Variants in SGCD observed in about 807,000 individuals in gnomAD.
SGCD encodes sarcoglycan delta.
A neutral mutation model predicts 36.6 loss-of-function variants in SGCD; 18 were observed. The observed-to-expected ratio is 0.49, with a 90% CI of 0.34 to 0.73. The LOEUF is 0.73. Ranked by LOEUF, SGCD falls within the 30% of genes least tolerant of loss-of-function variation. The probability of loss-of-function intolerance (pLI) is 0.01; values close to 1 mark genes in which losing one functional copy is unlikely to be tolerated. For synonymous variants in SGCD, 133 were observed against 130.6 expected (o/e 1.02, Z -0.12); for missense variants, 387 against 346.7 (o/e 1.12, Z -0.92).
intron 1 of SGCD, among the ~76,000 whole-genome samples, chr5:155,910,070 G>A (rs1427632481): frequency 1.3e-5 from 2 of 151,936 alleles, no homozygotes; most frequent in African/African-American, 4.8e-5. Context: ...ATTGTATTAT[G>A]AATTTGTGGT....
chr5:156,611,520 T>C (rs1761809937), intron 6 of SGCD, among the ~76,000 whole-genome samples: 1 of 152,218 alleles, frequency 6.6e-6, no homozygotes, highest in Non-Finnish European at 1.5e-5. Flanking sequence ...GACACATTTT[T>C]CTTAAAGCTT....
intron 3 of SGCD, among the ~76,000 whole-genome samples, chr5:156,376,968 C>T (rs1470224852): frequency 2.0e-5 from 3 of 151,872 alleles, no homozygotes; most frequent in Admixed American, 1.3e-4. Context: ...CAAAATTAAT[C>T]ATCAATAAAA....
At chr5:156,213,613 T>C (rs758912380) in intron 3 of SGCD, among the ~76,000 whole-genome samples, 1 of 151,992 alleles carries the variant, frequency 6.6e-6, no homozygotes, top group African/African-American at 2.4e-5. Flanking sequence ...CAAACTTAAT[T>C]TATGAAGACA....
At chr5:155,760,252 T>G in the SGCD span, among the ~76,000 whole-genome samples, 1 of 148,944 alleles carries the variant, frequency 6.7e-6, no homozygotes, top group African/African-American at 2.5e-5. Flanking sequence ...TCCATCACCC[T>G]CTCCATCATC....
intron 3 of SGCD, among the ~76,000 whole-genome samples, chr5:156,495,672 G>A (rs1423552110): frequency 2.0e-5 from 3 of 152,176 alleles, no homozygotes; most frequent in Non-Finnish European, 4.4e-5. Flanking sequence ...GTGATGGTAG[G>A]AATTTAATCT....
chr5:155,819,961 A>T, the SGCD span, among the ~76,000 whole-genome samples: 1 of 152,232 alleles, frequency 6.6e-6, no homozygotes, highest in Non-Finnish European at 1.5e-5. Context: ...ATGTAGAATT[A>T]TAGTTATACT....
chr5:156,485,103 C>G lies in SGCD; in HGVS notation c.193-23498C>G, dbSNP rs74941127. Among the ~76,000 whole-genome samples, 175 of 152,058 alleles carry G rather than the reference C, an allele frequency of 1.2e-3. 1 individual carries two copies. Among genetic ancestry groups the G allele is most frequent in the Non-Finnish European group, 2.0e-3 (137 of 68,016 alleles). ...CTGACATTCCTAAGAAACAGAGGTA[C>G]TCTTCAGGACATTCTCCAGCTAACT... On this transcript the variant is annotated intron_variant, in intron 3 of 8. Coordinates refer to ENST00000337851, the MANE Select transcript of SGCD (RefSeq NM_000337.6).
chr5:156,304,926 A>C (rs1767163019), intron 3 of SGCD, among the ~76,000 whole-genome samples: 1 of 152,190 alleles, frequency 6.6e-6, no homozygotes, highest in Non-Finnish European at 1.5e-5. Flanking sequence ...GGAACTTTGA[A>C]CTTGAGAGAG....
chr5:155,807,034 G>C, the SGCD span, among the ~76,000 whole-genome samples: 1 of 152,244 alleles, frequency 6.6e-6, no homozygotes, highest in East Asian at 1.9e-4. Context: ...ATACATAAAT[G>C]CATTTATTAT....
intron 3 of SGCD, among the ~76,000 whole-genome samples, chr5:156,234,016 A>G (rs1446684430): frequency 6.6e-6 from 1 of 152,196 alleles, no homozygotes; most frequent in Non-Finnish European, 1.5e-5. Flanking sequence ...ATCAGCAGTG[A>G]ATGAGAATTC....
At chr5:155,831,205 C>T in the SGCD span, among the ~76,000 whole-genome samples, 3 of 152,182 alleles carry the variant, frequency 2.0e-5, no homozygotes, top group African/African-American at 7.2e-5. Context: ...TGAACTGTTA[C>T]TTGTGCTCTT....
chr5:156,136,928 A>AACTTTTGTAATACATGAACTATGTATT (rs1311171616), intron 3 of SGCD, among the ~76,000 whole-genome samples: 2 of 152,254 alleles, frequency 1.3e-5, no homozygotes, highest in African/African-American at 2.4e-5. Flanking sequence ...TATTACATAA[A>AACTTTTGTAATACATGAACTATGTATT]ACATAGTTCA....
intron 3 of SGCD, among the ~76,000 whole-genome samples, chr5:156,505,446 A>G (rs973778341): frequency 4.6e-5 from 7 of 152,382 alleles, no homozygotes; most frequent in African/African-American, 1.7e-4. Context: ...TGTGGCATCC[A>G]TACTGAACGT....
chr5:155,744,166 C>T, the SGCD span, among the ~76,000 whole-genome samples: 1 of 152,096 alleles, frequency 6.6e-6, no homozygotes, highest in Non-Finnish European at 1.5e-5. Flanking sequence ...TGTGTATGAA[C>T]ATTTGAAGGA....
intron 4 of SGCD, among the ~76,000 whole-genome samples, chr5:156,532,152 C>T (rs1212796594): frequency 6.6e-6 from 1 of 152,064 alleles, no homozygotes; most frequent in East Asian, 1.9e-4. Flanking sequence ...TAAAACTGTT[C>T]TGTTCTTGAG....
chr5:156,397,409 A>G (rs187340710), intron 3 of SGCD, among the ~76,000 whole-genome samples: 261 of 152,282 alleles, frequency 1.7e-3, no homozygotes, highest in Non-Finnish European at 2.7e-3. Context: ...CTATACAACA[A>G]CAATCCCCAA....
chr5:156,006,058 G>A (rs929545720), intron 1 of SGCD, among the ~76,000 whole-genome samples: 1 of 152,184 alleles, frequency 6.6e-6, no homozygotes, highest in Non-Finnish European at 1.5e-5. Context: ...GGTGAGTGTT[G>A]TGAAGATCAT....
At chr5:156,039,187 G>A (rs1240850757) in intron 1 of SGCD, among the ~76,000 whole-genome samples, 1 of 150,120 alleles carries the variant, frequency 6.7e-6, no homozygotes, top group Admixed American at 6.6e-5. Flanking sequence ...TTTAGTTTTT[G>A]CTCCTGTCAT....
chr5:156,357,657 C>T (rs1015959210), intron 3 of SGCD, among the ~76,000 whole-genome samples: 1 of 152,140 alleles, frequency 6.6e-6, no homozygotes, highest in African/African-American at 2.4e-5. Context: ...TTTTGTGCTT[C>T]ACTCAGTTAC....
Sources: gnomAD v4.1 joint callset for allele counts (sites outside exome capture counted in the v4.1 genomes callset) on GRCh38, gnomAD v4.1.1 for gene constraint, MANE v1.5 for transcripts, NCBI Gene and HGNC (gene_info 2026-07-23, HGNC 2026-07-21) for gene names.